Variants in KANTR observed in about 807,000 individuals in gnomAD.
KANTR encodes KDM5C adjacent transcript.
In KANTR at chrX:53,109,934, T is replaced by C. The variant is rs186184579; in HGVS notation, c.-805+10326T>C. ...ATGCCTGGCTAAGTTTTATATTTTT[T>C]AGTAGAGATGGGGTTTCACCATGTT... On this transcript the variant is annotated intron_variant, in intron 2 of 2. Transcript: ENST00000604062. Among the ~76,000 whole-genome samples, 36 of 110,304 alleles carry C rather than the reference T, an allele frequency of 3.3e-4. No individual in the cohort carries two copies. The East Asian group carries it at 8.7e-3, about 27-fold the overall frequency.
exon 3 of KANTR, chrX:53,124,634 G>A (rs1211407517): frequency 3.5e-6 from 1 of 288,110 alleles, no homozygotes; most frequent in African/African-American, 2.8e-5. Flanking sequence ...TTATTGCTCA[G>A]TTATAAGTAC....
At chrX:53,138,462 A>G in intron 2 of KANTR, among the ~76,000 whole-genome samples, 1 of 107,423 alleles carries the variant, frequency 9.3e-6, no homozygotes, top group Non-Finnish European at 1.9e-5. Context: ...CGAGAGTTCA[A>G]GACCAGCCTG....
chrX:53,120,021 C>G (rs782540488), intron 2 of KANTR, among the ~76,000 whole-genome samples: 11 of 110,043 alleles, frequency 1.0e-4, no homozygotes, highest in East Asian at 2.9e-4. Context: ...GACCAGCCCC[C>G]CTTTGTTATT....
At chrX:53,100,920 G>A (rs1480845034) in intron 2 of KANTR, among the ~76,000 whole-genome samples, 1 of 112,524 alleles carries the variant, frequency 8.9e-6, no homozygotes, top group East Asian at 2.8e-4. Context: ...TTTATGTTAC[G>A]GAGATGGCTT....
chrX:53,143,862 T>C (rs1253868293), downstream of KANTR: 6 of 467,935 alleles, frequency 1.3e-5, no homozygotes, highest in Non-Finnish European at 2.4e-5. Flanking sequence ...AAGCCAGCTT[T>C]GCACATGCCA....
intron 2 of KANTR, among the ~76,000 whole-genome samples, chrX:53,117,856 G>A (rs781923998): frequency 8.1e-5 from 9 of 110,641 alleles, no homozygotes; most frequent in Non-Finnish European, 1.3e-4. Context: ...CTGACCTCAG[G>A]TGATCCACCT....
At chrX:53,110,647 G>T (rs150168039) in intron 2 of KANTR, among the ~76,000 whole-genome samples, 1 of 111,821 alleles carries the variant, frequency 8.9e-6, no homozygotes, top group Admixed American at 9.5e-5. Flanking sequence ...GTTTGGGGCC[G>T]GGCGCCGTGG....
chrX:53,110,030 C>T (rs1207057819), intron 2 of KANTR, among the ~76,000 whole-genome samples: 1 of 112,292 alleles, frequency 8.9e-6, no homozygotes, highest in Non-Finnish European at 1.9e-5. Context: ...GCTGGGATTA[C>T]AGGCATGAGC....
At chrX:53,138,672 T>C (rs1333794278) in intron 2 of KANTR, among the ~76,000 whole-genome samples, 22 of 105,250 alleles carry the variant, frequency 2.1e-4, no homozygotes, top group Non-Finnish European at 3.9e-4. Context: ...GCCATTGCAC[T>C]CCAGCTTGGG....
At chrX:53,108,472 G>A (rs1556813214) in intron 2 of KANTR, among the ~76,000 whole-genome samples, 1 of 111,314 alleles carries the variant, frequency 9.0e-6, no homozygotes, top group Non-Finnish European at 1.9e-5. Flanking sequence ...CAAAGTGCTG[G>A]GATTATAGGC....
At chrX:53,109,416 C>T (rs1556813350) in intron 2 of KANTR, among the ~76,000 whole-genome samples, 1 of 111,918 alleles carries the variant, frequency 8.9e-6, no homozygotes, top group Admixed American at 9.5e-5. Flanking sequence ...TCCCGAGTAG[C>T]TGGGATTACA....
chrX:53,121,628 T>G (rs1464055432), intron 2 of KANTR, among the ~76,000 whole-genome samples: 1 of 108,965 alleles, frequency 9.2e-6, no homozygotes, highest in African/African-American at 3.3e-5. Context: ...TTGTTTTTGG[T>G]TTTTTTTTCC....
chrX:53,122,626 A>G (rs918500620), intron 2 of KANTR, among the ~76,000 whole-genome samples: 2 of 111,567 alleles, frequency 1.8e-5, no homozygotes, highest in East Asian at 2.8e-4. Context: ...CTATACTAAG[A>G]GGCTTTTATT....
chrX:53,143,182 T>A, downstream of KANTR: 2 of 809,506 alleles, frequency 2.5e-6, no homozygotes, highest in Non-Finnish European at 3.7e-6. Flanking sequence ...GGTGATGACC[T>A]GACCTGGCCA....
chrX:53,145,211 C>T (rs191031994), downstream of KANTR, among the ~76,000 whole-genome samples: 1 of 111,622 alleles, frequency 9.0e-6, no homozygotes, highest in Admixed American at 9.5e-5. Flanking sequence ...GAGGCATTGC[C>T]TCACTCGGGA....
downstream of KANTR, among the ~76,000 whole-genome samples, chrX:53,146,874 A>C (rs1381832755): frequency 2.7e-5 from 3 of 111,791 alleles, no homozygotes; most frequent in African/African-American, 9.8e-5. Flanking sequence ...ACTAAGCTTC[A>C]GAAGTGAAGG....
At chrX:53,144,216 G>A (rs1167095560), downstream of KANTR, among the ~76,000 whole-genome samples, 2 of 111,180 alleles carry the variant, frequency 1.8e-5, no homozygotes, top group East Asian at 2.8e-4. Context: ...GAAACATGGC[G>A]AAACCCCATT....
At chrX:53,101,019 A>G (rs1297204416) in intron 2 of KANTR, among the ~76,000 whole-genome samples, 5 of 111,869 alleles carry the variant, frequency 4.5e-5, no homozygotes, top group Non-Finnish European at 3.8e-5. Flanking sequence ...ATAGAATTGA[A>G]GAGAGTTAGG....
chrX:53,097,350 GTTTTTT>G (rs781783647), intron 1 of KANTR, among the ~76,000 whole-genome samples: 1 of 67,978 alleles, frequency 1.5e-5, no homozygotes, highest in African/African-American at 5.3e-5. Context: ...TTTGTTTTAA[GTTTTTT>G]TTTTTTTTTT....
Sources: allele counts gnomAD v4.1 joint callset (sites outside exome capture counted in the v4.1 genomes callset), GRCh38; gene constraint gnomAD v4.1.1; transcripts MANE v1.5; gene names NCBI Gene and HGNC (gene_info 2026-07-23, HGNC 2026-07-21).